SV2B: variants seen among roughly 807,000 people sequenced by gnomAD.
SV2B encodes the protein solute carrier family 22 member B2.
Under a neutral mutation model 73.9 loss-of-function variants are expected in SV2B, and 41 were observed. That is an observed-to-expected ratio of 0.56 (90% CI 0.43 to 0.72). SV2B has a LOEUF of 0.72. Among genes scored for constraint, SV2B ranks in the 30% least tolerant of loss-of-function variants. The probability of loss-of-function intolerance (pLI) is 0.00; values close to 1 mark genes in which losing one functional copy is unlikely to be tolerated. For synonymous variants in SV2B, 314 were observed against 314.2 expected (o/e 1.00, Z 0.01); for missense variants, 764 against 857.8 (o/e 0.89, Z 1.37).
chr15:91,262,160 C>A (rs1255706396), intron 6 of SV2B, among the ~76,000 whole-genome samples: 1 of 152,068 alleles, frequency 6.6e-6, no homozygotes, highest in Non-Finnish European at 1.5e-5. Context: ...TGGCCTTGGG[C>A]AAGGTACTCT....
At chr15:91,200,632 T>G (rs1224941189) in intron 1 of SV2B, among the ~76,000 whole-genome samples, 1 of 152,182 alleles carries the variant, frequency 6.6e-6, no homozygotes, top group African/African-American at 2.4e-5. Flanking sequence ...GAAAGCCGGC[T>G]TGGCACGGTG....
chr15:91,195,184 G>T (rs2045200895), intron 1 of SV2B, among the ~76,000 whole-genome samples: 1 of 152,036 alleles, frequency 6.6e-6, no homozygotes, highest in South Asian at 2.1e-4. Context: ...TTGAGATGGG[G>T]TCCCCCTCTG....
intron 9 of SV2B, among the ~76,000 whole-genome samples, chr15:91,271,234 C>G (rs1277259266): frequency 6.6e-6 from 1 of 151,230 alleles, no homozygotes; most frequent in Admixed American, 6.6e-5. Flanking sequence ...TCTCCCCGCC[C>G]CACGGGGTGA....
At chr15:91,127,303 G>C (rs2151753447) in intron 1 of SV2B, among the ~76,000 whole-genome samples, 1 of 152,234 alleles carries the variant, frequency 6.6e-6, no homozygotes, top group East Asian at 1.9e-4. Flanking sequence ...GAGAGTGGGA[G>C]GCACATTTAA....
chr15:91,153,289 A>T (rs559693388), intron 1 of SV2B, among the ~76,000 whole-genome samples: 24 of 152,308 alleles, frequency 1.6e-4, no homozygotes, highest in African/African-American at 5.3e-4. Context: ...GAACCATAGC[A>T]GCAGGATTCA....
chr15:91,146,241 C>T (rs538896971), intron 1 of SV2B, among the ~76,000 whole-genome samples: 9 of 152,204 alleles, frequency 5.9e-5, no homozygotes, highest in East Asian at 1.9e-4. Flanking sequence ...GAATCCATTC[C>T]GCATTGCTTG....
In SV2B at chr15:91,232,275, T is replaced by C. The variant is rs758316891; in HGVS notation, c.451+5561T>C. Among the ~76,000 whole-genome samples, 1 of 152,238 alleles carries C rather than the reference T, an allele frequency of 6.6e-6. No homozygotes were observed. The highest frequency in any genetic ancestry group is 1.5e-5 in the Non-Finnish European group (1 of 68,034). ...TCTTTCTGTGTTTGATTTATATCAG[T>C]TGTTCTTATTTATACTGTTTAGATC... On this transcript the variant is annotated intron_variant, in intron 2 of 12. Transcript: ENST00000394232. This position sits in a 1 kb window ranked among gnomAD's most constrained non-coding sequence, Gnocchi z 4.7.
rs115340488 is a variant in SV2B, at chr15:91,142,585, G to A, written c.-392+42222G>A. Among the ~76,000 whole-genome samples, 264 of 152,282 alleles carry A rather than the reference G, an allele frequency of 1.7e-3. 3 individuals carry two copies. The highest frequency in any genetic ancestry group is 6.1e-3 in the African/African-American group (254 of 41,540). On this transcript the variant is annotated intron_variant, in intron 1 of 12. Transcript: ENST00000394232. Reference sequence around the variant, plus strand: ...ATTGATCATAGAAGAAAAACAAACAGAAGGGGAAGGAAGGGAACTAACATT... The same window carrying A: ...ATTGATCATAGAAGAAAAACAAACAAAAGGGGAAGGAAGGGAACTAACATT...
At chr15:91,156,415 C>G (rs1462766541) in intron 1 of SV2B, among the ~76,000 whole-genome samples, 1 of 152,168 alleles carries the variant, frequency 6.6e-6, no homozygotes, top group Non-Finnish European at 1.5e-5. Flanking sequence ...AGAGGTGTGA[C>G]TCAGCCAACC....
chr15:91,112,332 G>A (rs1051227048), intron 1 of SV2B, among the ~76,000 whole-genome samples: 1 of 152,116 alleles, frequency 6.6e-6, no homozygotes, highest in African/African-American at 2.4e-5. Context: ...TGAGATCGCC[G>A]CTGTCCTGTG....
In SV2B at chr15:91,109,093, A is replaced by G. The variant is rs998696732; in HGVS notation, c.-392+8730A>G. Among the ~76,000 whole-genome samples the G allele has an allele frequency of 3.3e-5, 5 of 152,218 alleles. No homozygotes were observed. In the South Asian group the frequency reaches 1.0e-3, roughly 32 times the overall value. ...TCAGAACTGAACTTCTTCAGGAGGC[A>G]GATAGGCTACATCCTTCCTCCTGTG... On this transcript the variant is annotated intron_variant, in intron 1 of 12. Transcript: ENST00000394232.
intron 4 of SV2B, among the ~76,000 whole-genome samples, chr15:91,255,625 A>C (rs1456634312): frequency 6.6e-6 from 1 of 152,206 alleles, no homozygotes; most frequent in Non-Finnish European, 1.5e-5. Flanking sequence ...TGGAAATAAA[A>C]AATTAAAAAA....
intron 1 of SV2B, among the ~76,000 whole-genome samples, chr15:91,174,224 A>G (rs2044223940): frequency 6.6e-6 from 1 of 152,254 alleles, no homozygotes; most frequent in Admixed American, 6.5e-5. Context: ...TCTCTGGTTA[A>G]GAAAGTTTGA....
At chr15:91,277,251 A>T (rs2048524748) in intron 9 of SV2B, among the ~76,000 whole-genome samples, 3 of 152,238 alleles carry the variant, frequency 2.0e-5, no homozygotes, top group Admixed American at 2.0e-4. Context: ...TGGGGAGGTT[A>T]AGAAAATCTA....
Position 91,296,126 on chromosome 15 carries a change from G to A in SV2B, c.*3574G>A, listed in dbSNP as rs146302185. Reference sequence around the variant, plus strand: ...TTGCCCATTTTCTACAGACCTAATCGATTTTTACCTAATCAGTTTTACAGA... The same window carrying A: ...TTGCCCATTTTCTACAGACCTAATCAATTTTTACCTAATCAGTTTTACAGA... On this transcript the variant is annotated 3_prime_UTR_variant, in exon 13 of 13. Coordinates refer to ENST00000394232, the MANE Select transcript of SV2B (RefSeq NM_001323032.3). 6 of 151,990 alleles carry A rather than the reference G, an allele frequency of 3.9e-5. No homozygotes were observed. Among genetic ancestry groups the A allele is most frequent in the Non-Finnish European group, 7.4e-5 (5 of 67,964 alleles). 9.4% of individuals were successfully genotyped at this position (151,990 alleles called of 1,614,324 possible). A position where few individuals can be genotyped will look rare whatever the true frequency, so the allele number is the denominator to read the frequency against.
At chr15:91,125,851 A>G (rs1489380870) in intron 1 of SV2B, among the ~76,000 whole-genome samples, 1 of 151,184 alleles carries the variant, frequency 6.6e-6, no homozygotes, top group African/African-American at 2.4e-5. Flanking sequence ...AAATAAAGTC[A>G]CCTTAAAGAG....
Position 91,122,750 on chromosome 15 carries a change from G to A in SV2B, c.-392+22387G>A, listed in dbSNP as rs979851349. On this transcript the variant is annotated intron_variant, in intron 1 of 12. Coordinates refer to ENST00000394232, the MANE Select transcript of SV2B (RefSeq NM_001323032.3). This position sits in a 1 kb window ranked among gnomAD's most constrained non-coding sequence, Gnocchi z 4.3. ...GATATTACATTAAATGAAATACGCC[G>A]GGCACAGAGAGACAAACACTGCCTG... is the stretch of plus-strand genomic sequence containing the variant. 3.3e-5 allele frequency among the ~76,000 whole-genome samples: 5 copies of A among 152,096 alleles called. No homozygotes were observed. Among genetic ancestry groups the A allele is most frequent in the African/African-American group, 9.7e-5 (4 of 41,404 alleles).
intron 1 of SV2B, among the ~76,000 whole-genome samples, chr15:91,165,681 C>T (rs560092803): frequency 8.9e-4 from 135 of 152,312 alleles, no homozygotes; most frequent in Middle Eastern, 3.4e-3. Context: ...GGAAGGTGAT[C>T]TATCTTCATA....
intron 1 of SV2B, among the ~76,000 whole-genome samples, chr15:91,158,633 C>CCTCTT (rs368190783): frequency 0.052 from 2,827 of 54,120 alleles, 161 homozygotes; most frequent in East Asian, 0.11. Context: ...TTTTATTTTC[C>CCTCTT]CTCTTCTCTT....
Sources: gnomAD v4.1 joint callset for allele counts (sites outside exome capture counted in the v4.1 genomes callset) on GRCh38, gnomAD v4.1.1 for gene constraint, Gnocchi (gnomAD v3.1) non-coding constraint, MANE v1.5 for transcripts, NCBI Gene and HGNC (gene_info 2026-07-23, HGNC 2026-07-21) for gene names.